The following VWC2 variants were observed in gnomAD, a reference collection of about 807,000 sequenced individuals.
VWC2 encodes the protein brorin.
Under a neutral mutation model 29.8 loss-of-function variants are expected in VWC2, and 14 were observed. The observed-to-expected ratio is 0.47, with a 90% CI of 0.31 to 0.74. The LOEUF is 0.74. Ranked by LOEUF, VWC2 falls within the 30% of genes least tolerant of loss-of-function variation. The probability of loss-of-function intolerance (pLI) is 0.05; values close to 1 mark genes in which losing one functional copy is unlikely to be tolerated. For synonymous variants in VWC2, 213 were observed against 199.0 expected (o/e 1.07, Z -0.59); for missense variants, 457 against 459.8 (o/e 0.99, Z 0.05).
chr7:49,823,174 A>G (rs1464662088), intron 3 of VWC2, among the ~76,000 whole-genome samples: 3 of 152,184 alleles, frequency 2.0e-5, no homozygotes, highest in Non-Finnish European at 2.9e-5. Context: ...AGTTACGAGT[A>G]TGGGTTCTCT....
At chr7:49,775,062 C>T (rs1250939548) in intron 1 of VWC2, among the ~76,000 whole-genome samples, 1 of 152,012 alleles carries the variant, frequency 6.6e-6, no homozygotes, top group Non-Finnish European at 1.5e-5. Context: ...TCCCTGGGCT[C>T]CGCAAGCCGC....
chr7:49,793,314 G>A (rs1374939318), intron 2 of VWC2, among the ~76,000 whole-genome samples: 2 of 151,408 alleles, frequency 1.3e-5, no homozygotes, highest in Non-Finnish European at 2.9e-5. Context: ...CCACTTTTTT[G>A]TCACATTTGT....
At chr7:49,805,035 A>T (rs1788842194) in intron 3 of VWC2, among the ~76,000 whole-genome samples, 1 of 152,216 alleles carries the variant, frequency 6.6e-6, no homozygotes, top group Admixed American at 6.5e-5. Context: ...GTGTGCAGAA[A>T]TGTTAAATTT....
At chr7:49,788,948 GGTGCATGTGT>G (rs940268759) in intron 2 of VWC2, among the ~76,000 whole-genome samples, 9 of 147,218 alleles carry the variant, frequency 6.1e-5, no homozygotes, top group South Asian at 2.2e-4. Flanking sequence ...TATGAGTGTG[GGTGCATGTGT>G]GTGCATGAGT....
At chr7:49,852,995 G>GCC (rs1790255560) in intron 3 of VWC2, among the ~76,000 whole-genome samples, 1 of 152,210 alleles carries the variant, frequency 6.6e-6, no homozygotes. Context: ...CCAGTCCAGA[G>GCC]CCCTTTCCTC....
At position 49,852,430 on chromosome 7, in the gene VWC2, A is replaced by G. The variant is rs555519415; in HGVS notation, c.826+49590A>G. On this transcript the variant is annotated intron_variant, in intron 3 of 3. Transcript: ENST00000340652. ...AACAAGGTGACCGGTGCTGTTTTGC[A>G]CTTGCTAGAAATCTGATTTGTGCAT... 2.0e-5 allele frequency among the ~76,000 whole-genome samples: 3 copies of G among 152,326 alleles called. No individual in the cohort carries two copies. The East Asian group carries it at 5.8e-4, about 29-fold the overall frequency.
chr7:49,789,444 C>A (rs1410342202), intron 2 of VWC2, among the ~76,000 whole-genome samples: 1 of 151,944 alleles, frequency 6.6e-6, no homozygotes, highest in Admixed American at 6.6e-5. Context: ...CAGTCCCCAC[C>A]ACTCCTTATT....
At chr7:49,898,268 T>G (rs1792498581) in intron 3 of VWC2, among the ~76,000 whole-genome samples, 1 of 152,078 alleles carries the variant, frequency 6.6e-6, no homozygotes, top group Non-Finnish European at 1.5e-5. Flanking sequence ...TTGTTGCTGT[T>G]ATTATGAACT....
chr7:49,861,675 G>C (rs1232412925), intron 3 of VWC2, among the ~76,000 whole-genome samples: 1 of 152,086 alleles, frequency 6.6e-6, no homozygotes, highest in Non-Finnish European at 1.5e-5. Flanking sequence ...TTTGTATATG[G>C]TATGAGGTAG....
At chr7:49,922,184 T>C (rs1235803249), downstream of VWC2, among the ~76,000 whole-genome samples, 1 of 152,212 alleles carries the variant, frequency 6.6e-6, no homozygotes, top group Non-Finnish European at 1.5e-5. Context: ...GTAGCATCTA[T>C]AATATAATAT....
intron 3 of VWC2, among the ~76,000 whole-genome samples, chr7:49,889,561 G>A (rs1379126121): frequency 6.6e-6 from 1 of 152,168 alleles, no homozygotes; most frequent in Non-Finnish European, 1.5e-5. Context: ...GGTCAAAGGC[G>A]AGGATGAAAA....
At chr7:49,811,495 G>T (rs905697079) in intron 3 of VWC2, among the ~76,000 whole-genome samples, 2 of 152,118 alleles carry the variant, frequency 1.3e-5, no homozygotes, top group Admixed American at 1.3e-4. Context: ...TTCCTCTTCT[G>T]CCATGATTGT....
intron 2 of VWC2, among the ~76,000 whole-genome samples, chr7:49,793,435 T>C (rs1788511461): frequency 6.6e-6 from 1 of 152,144 alleles, no homozygotes; most frequent in South Asian, 2.1e-4. Flanking sequence ...AAGTAGCTGG[T>C]GCAGTGAAGT....
chr7:49,805,781 C>A (rs1347017789), intron 3 of VWC2, among the ~76,000 whole-genome samples: 2 of 152,160 alleles, frequency 1.3e-5, no homozygotes, highest in Non-Finnish European at 2.9e-5. Flanking sequence ...ATAGACTTAT[C>A]TTGGATGAAA....
intron 3 of VWC2, among the ~76,000 whole-genome samples, chr7:49,815,833 T>A (rs1313560654): frequency 6.6e-6 from 1 of 152,222 alleles, no homozygotes; most frequent in Non-Finnish European, 1.5e-5. Context: ...AATTTCAAAG[T>A]CCTTCATTAA....
At chr7:49,855,203 T>C (rs1464442063) in intron 3 of VWC2, among the ~76,000 whole-genome samples, 1 of 152,244 alleles carries the variant, frequency 6.6e-6, no homozygotes, top group East Asian at 1.9e-4. Context: ...GGCAAATCTT[T>C]CTTTTTCTCA....
At chr7:49,901,999 T>A (rs1332576173) in intron 3 of VWC2, among the ~76,000 whole-genome samples, 1 of 147,538 alleles carries the variant, frequency 6.8e-6, no homozygotes, top group African/African-American at 2.7e-5. Flanking sequence ...AAAAAATAAA[T>A]CAAGAGACAG....
At chr7:49,812,452 C>T (rs1046180461) in intron 3 of VWC2, among the ~76,000 whole-genome samples, 1 of 152,180 alleles carries the variant, frequency 6.6e-6, no homozygotes, top group African/African-American at 2.4e-5. Flanking sequence ...CTTTTCTAAT[C>T]CTGGTCTGAT....
intron 3 of VWC2, among the ~76,000 whole-genome samples, chr7:49,902,690 G>A (rs768993711): frequency 2.6e-5 from 4 of 151,978 alleles, no homozygotes; most frequent in South Asian, 2.1e-4. Context: ...ACTTTAGGAC[G>A]TAGGGCTTCT....
Sources: allele counts gnomAD v4.1 joint callset (sites outside exome capture counted in the v4.1 genomes callset), GRCh38; gene constraint gnomAD v4.1.1; transcripts MANE v1.5; gene names NCBI Gene and HGNC (gene_info 2026-07-23, HGNC 2026-07-21).